IMMP2L: variants seen among roughly 807,000 people sequenced by gnomAD.
IMMP2L encodes mitochondrial inner membrane protease subunit 2.
A neutral mutation model predicts 19.3 loss-of-function variants in IMMP2L; 18 were observed. The observed-to-expected ratio is 0.93, with a 90% CI of 0.64 to 1.38. The LOEUF is 1.38. Among genes scored for constraint, IMMP2L ranks in the 40% most tolerant of loss-of-function variants. The probability of loss-of-function intolerance (pLI) is 0.00; values close to 1 mark genes in which losing one functional copy is unlikely to be tolerated. For synonymous variants in IMMP2L, 76 were observed against 73.0 expected (o/e 1.04, Z -0.21); for missense variants, 233 against 218.2 (o/e 1.07, Z -0.43).
At position 111,123,574 on chromosome 7, in the gene IMMP2L, A is replaced by C. The variant is rs1281129624; in HGVS notation, c.240-160009T>G. The C allele has an allele frequency of 1.9e-6, 3 of 1,613,568 alleles. No homozygotes were observed. Among genetic ancestry groups the C allele is most frequent in the African/African-American group, 2.7e-5 (2 of 75,004 alleles). ...TGTAAATCTCAAATTTTTGGATCTA[A>C]ATAAAAATCCTATTAATAGAATACG... On this transcript the variant is annotated intron_variant, in intron 3 of 5. Coordinates refer to ENST00000405709, the MANE Select transcript of IMMP2L (RefSeq NM_032549.4). This position sits in a 1 kb window ranked among gnomAD's most constrained non-coding sequence, Gnocchi z 6.4.
chr7:110,984,769 G>C (rs2058420), intron 3 of IMMP2L, among the ~76,000 whole-genome samples: 2 of 151,796 alleles, frequency 1.3e-5, no homozygotes, highest in African/African-American at 4.8e-5. Flanking sequence ...AAGTATGATC[G>C]TGCATCTTAA....
At chr7:110,979,183 A>G (rs1820995984) in intron 3 of IMMP2L, among the ~76,000 whole-genome samples, 1 of 152,136 alleles carries the variant, frequency 6.6e-6, no homozygotes, top group Admixed American at 6.5e-5. Flanking sequence ...GAATATCCAC[A>G]TGAATTTATA....
Position 111,282,721 on chromosome 7 carries a change from C to A in IMMP2L, c.239+204517G>T, listed in dbSNP as rs776993555. Among the ~76,000 whole-genome samples, 4 of 152,074 alleles carry A rather than the reference C, an allele frequency of 2.6e-5. No individual in the cohort carries two copies. In the South Asian group the frequency reaches 8.3e-4, roughly 32 times the overall value. ...ACCTCAACCTCCCAAGTAGCTGGGA[C>A]CACAGGCGTGAGCCACAATGCTAAG... On this transcript the variant is annotated intron_variant, in intron 3 of 5. Transcript: ENST00000405709.
At chr7:111,517,298 A>C (rs543755156) in intron 2 of IMMP2L, among the ~76,000 whole-genome samples, 1 of 152,192 alleles carries the variant, frequency 6.6e-6, no homozygotes, top group South Asian at 2.1e-4. Flanking sequence ...CATATTCTGT[A>C]ATTTCCTAAT....
chr7:111,080,982 G>A (rs1469273313), intron 3 of IMMP2L, among the ~76,000 whole-genome samples: 4 of 152,156 alleles, frequency 2.6e-5, no homozygotes, highest in Non-Finnish European at 4.4e-5. Context: ...AGAAACAGCT[G>A]GCAGCTTCAG....
intron 3 of IMMP2L, among the ~76,000 whole-genome samples, chr7:111,230,500 C>CA (rs1813597042): frequency 6.6e-6 from 1 of 151,790 alleles, no homozygotes; most frequent in African/African-American, 2.4e-5. Context: ...TGTGTAATTT[C>CA]AAAAAAACTT....
At chr7:111,192,533 AT>A (rs762509164) in intron 3 of IMMP2L, among the ~76,000 whole-genome samples, 4 of 152,178 alleles carry the variant, frequency 2.6e-5, no homozygotes, top group Non-Finnish European at 5.9e-5. Context: ...TCTTAATAAA[AT>A]TAAGTGAATT....
At chr7:111,023,347 C>G (rs1054722273) in intron 3 of IMMP2L, among the ~76,000 whole-genome samples, 6 of 152,120 alleles carry the variant, frequency 3.9e-5, no homozygotes, top group African/African-American at 1.4e-4. Flanking sequence ...TTGGTAAACA[C>G]ATAAACAAAT....
At chr7:110,873,566 C>T (rs932598992) in intron 5 of IMMP2L, among the ~76,000 whole-genome samples, 5 of 145,628 alleles carry the variant, frequency 3.4e-5, no homozygotes, top group Non-Finnish European at 7.5e-5. Flanking sequence ...GAGTTCGACA[C>T]AAGCCTGGCC....
At position 110,677,459 on chromosome 7, in the gene IMMP2L, T is replaced by C. The variant is rs1202123568; in HGVS notation, c.409-13738A>G. ...ACTAGGTTCGTACAGAGAACAGTATTAGCCTATTATCTACTTACACATTCC... is the reference window on the plus strand; with the variant it reads ...ACTAGGTTCGTACAGAGAACAGTATCAGCCTATTATCTACTTACACATTCC... On this transcript the variant is annotated intron_variant, in intron 5 of 5. Coordinates refer to ENST00000405709, the MANE Select transcript of IMMP2L (RefSeq NM_032549.4). Among the ~76,000 whole-genome samples, 11 of 152,280 alleles carry C rather than the reference T, an allele frequency of 7.2e-5. No individual in the cohort carries two copies. The East Asian group carries it at 2.1e-3, about 29-fold the overall frequency.
At chr7:110,906,485 T>C (rs1170152126) in intron 4 of IMMP2L, among the ~76,000 whole-genome samples, 2 of 152,194 alleles carry the variant, frequency 1.3e-5, no homozygotes, top group African/African-American at 2.4e-5. Flanking sequence ...TAGGCAAATG[T>C]AACCCTAGTG....
At chr7:111,233,453 A>C (rs1813938493) in intron 3 of IMMP2L, among the ~76,000 whole-genome samples, 1 of 152,086 alleles carries the variant, frequency 6.6e-6, no homozygotes, top group Admixed American at 6.6e-5. Context: ...AATCAGTGGT[A>C]ATTGACAAAC....
intron 4 of IMMP2L, among the ~76,000 whole-genome samples, chr7:110,935,686 T>A (rs1816022720): frequency 2.0e-5 from 3 of 152,066 alleles, no homozygotes; most frequent in African/African-American, 7.2e-5. Flanking sequence ...TTCACAGAAT[T>A]AGAAAAAAAT....
At chr7:111,090,082 T>C (rs889299816) in intron 3 of IMMP2L, among the ~76,000 whole-genome samples, 2 of 152,100 alleles carry the variant, frequency 1.3e-5, no homozygotes, top group African/African-American at 2.4e-5. Flanking sequence ...TTAATCCTCA[T>C]GTTCCATTCT....
intron 3 of IMMP2L, among the ~76,000 whole-genome samples, chr7:111,271,207 G>A (rs149559608): frequency 4.0e-4 from 61 of 152,188 alleles, no homozygotes; most frequent in African/African-American, 1.4e-3. Flanking sequence ...GGAAGGACGT[G>A]TTTGCTTCCC....
rs1267578781 is a variant in IMMP2L at position 110,688,341 on chromosome 7, C to G, written c.409-24620G>C. Among the ~76,000 whole-genome samples, 3 of 152,036 alleles carry G rather than the reference C, an allele frequency of 2.0e-5. No individual in the cohort carries two copies. In the East Asian group the frequency reaches 5.8e-4, roughly 30 times the overall value. On this transcript the variant is annotated intron_variant, in intron 5 of 5. Transcript: ENST00000405709. ...TTGAACCTGTACAACTATGTTCACA[C>G]AAAAACAAAAATGGTATGACTACAA... is the stretch of plus-strand genomic sequence containing the variant.
chr7:111,057,084 C>A (rs1296734742), intron 3 of IMMP2L, among the ~76,000 whole-genome samples: 1 of 152,064 alleles, frequency 6.6e-6, no homozygotes, highest in Non-Finnish European at 1.5e-5. Context: ...TAATAAAATT[C>A]TTTTTTGAGT....
intron 3 of IMMP2L, among the ~76,000 whole-genome samples, chr7:111,174,083 T>TTATACA (rs1806763060): frequency 6.6e-6 from 1 of 151,510 alleles, no homozygotes; most frequent in South Asian, 2.1e-4. Context: ...TAAAGAAAAA[T>TTATACA]TATACACATA....
chr7:110,952,362 G>A (rs1258004659), intron 4 of IMMP2L, among the ~76,000 whole-genome samples: 2 of 152,030 alleles, frequency 1.3e-5, no homozygotes, highest in Non-Finnish European at 2.9e-5. Flanking sequence ...TAACCTTCAG[G>A]AGTAGTACAT....
Sources: gnomAD v4.1 joint callset for allele counts (sites outside exome capture counted in the v4.1 genomes callset) on GRCh38, gnomAD v4.1.1 for gene constraint, Gnocchi (gnomAD v3.1) non-coding constraint, MANE v1.5 for transcripts, NCBI Gene and HGNC (gene_info 2026-07-23, HGNC 2026-07-21) for gene names.